CEP128: variants seen among roughly 807,000 people sequenced by gnomAD.
CEP128 encodes centrosomal protein 128kDa.
Under a neutral mutation model 156.7 loss-of-function variants are expected in CEP128, and 132 were observed. That is an observed-to-expected ratio of 0.84 (90% confidence interval 0.73 to 0.97). The LOEUF (loss-of-function observed/expected upper bound fraction) is 0.97. Ranked by LOEUF, CEP128 falls within the 50% of genes least tolerant of loss-of-function variation. The probability of loss-of-function intolerance (pLI) is 0.00; values close to 1 mark genes in which losing one functional copy is unlikely to be tolerated. For missense variants in CEP128, 1,252 were observed against 1,281.9 expected (o/e 0.98, Z 0.36); for synonymous variants, 469 against 448.9 (o/e 1.04, Z -0.57).
intron 13 of CEP128, chr14:80,830,392 G>A: frequency 2.5e-6 from 1 of 397,904 alleles, no homozygotes; most frequent in East Asian, 3.6e-5. Flanking sequence ...TTTAATTTTG[G>A]AAATACTTGA....
At chr14:80,941,026 C>CTTTTAT (rs1886123504) in intron 1 of CEP128, among the ~76,000 whole-genome samples, 1 of 152,180 alleles carries the variant, frequency 6.6e-6, no homozygotes, top group Non-Finnish European at 1.5e-5. Flanking sequence ...AAAGATGCAG[C>CTTTTAT]TGGGATTCAA....
intron 14 of CEP128, among the ~76,000 whole-genome samples, chr14:80,482,428 T>A (rs1198851609): frequency 6.6e-6 from 1 of 152,212 alleles, no homozygotes; most frequent in East Asian, 1.9e-4. Context: ...TATAATGTCA[T>A]CAGTAACATG....
At chr14:80,752,394 G>A (rs1020403462) in intron 18 of CEP128, among the ~76,000 whole-genome samples, 4 of 152,102 alleles carry the variant, frequency 2.6e-5, no homozygotes, top group African/African-American at 9.7e-5. Flanking sequence ...TTTTCACTAA[G>A]TTATAAATAT....
At chr14:80,957,480 C>T (rs1886759399) in intron 2 of CEP128, among the ~76,000 whole-genome samples, 2 of 149,084 alleles carry the variant, frequency 1.3e-5, no homozygotes, top group Admixed American at 1.3e-4. Flanking sequence ...AAAAAAAAAA[C>T]TTAAGTGAAT....
chr14:80,520,076 A>G (rs894133894), intron 23 of CEP128, among the ~76,000 whole-genome samples: 1 of 152,168 alleles, frequency 6.6e-6, no homozygotes, highest in African/African-American at 2.4e-5. Flanking sequence ...TAACTATGCA[A>G]ACTATGCAAA....
intron 13 of CEP128, among the ~76,000 whole-genome samples, chr14:80,811,695 GTGTGTGTGTT>G (rs1032079531): frequency 1.3e-5 from 2 of 149,032 alleles, no homozygotes; most frequent in African/African-American, 5.2e-5. Context: ...GTGTGTGTGT[GTGTGTGTGTT>G]TGAGAGTGTG....
rs139664569 is a variant in CEP128, at chr14:80,525,167, G to A, written c.3072+1702C>T. Reference sequence around the variant, plus strand: ...ACTAAGAGGCATGTACTATGTTTATGTATTTTTGGAGAACACTAATTTTTA... The same window carrying A: ...ACTAAGAGGCATGTACTATGTTTATATATTTTTGGAGAACACTAATTTTTA... On this transcript the variant is annotated intron_variant, in intron 23 of 24. Transcript: ENST00000555265. Among the ~76,000 whole-genome samples the A allele has an allele frequency of 8.7e-3, 1,332 of 152,276 alleles. 3 individuals carry two copies. Among genetic ancestry groups the A allele is most frequent in the Non-Finnish European group, 0.014 (937 of 68,014 alleles).
In CEP128 at chr14:80,761,555, T is replaced by C. The variant is rs775211405; in HGVS notation, c.2435A>G (p.Gln812Arg). ...CAAGCAAAGAAGTTGATCCTTGAGC[T>C]GCAATCTGGCCTCTTCCATCCTCCT... ...HLRRMEEARL[Q>R]LKDQLLCLET... The change falls in exon 17 of 25, where the codon CAG becomes CGG. Residue 812 changes from glutamine to arginine, a missense_variant. Physicochemically the swap from Gln to Arg is conservative, Grantham distance 43. Coordinates refer to ENST00000555265, the MANE Select transcript of CEP128 (RefSeq NM_152446.5). The C allele has an allele frequency of 2.5e-6, 4 of 1,612,900 alleles. No homozygotes were observed. The African/African-American group carries it at 4.0e-5, about 16-fold the overall frequency.
intron 19 of CEP128, among the ~76,000 whole-genome samples, chr14:80,732,042 C>A (rs1016872178): frequency 1.3e-5 from 2 of 152,062 alleles, no homozygotes; most frequent in Non-Finnish European, 2.9e-5. Flanking sequence ...GAAATCTGTG[C>A]CATCCATTTA....
In CEP128 at chr14:80,784,929, TTTTC is replaced by T; in HGVS notation, c.2173_2176del (p.Glu725ArgfsTer11). The T allele has an allele frequency of 6.2e-7, 1 of 1,613,444 alleles. No individual in the cohort carries two copies. Among genetic ancestry groups the T allele is most frequent in the Non-Finnish European group, 8.5e-7 (1 of 1,179,682 alleles). On this transcript the variant is annotated frameshift_variant, in exon 15 of 25. Transcript: ENST00000555265. LOFTEE classifies it high-confidence loss of function. ...CCTGATATGATTCTCAGCCTCACTC[TTTTC>T]TTTCTTAAAGTGCTTCATAAGCTCC...
intron 19 of CEP128, among the ~76,000 whole-genome samples, chr14:80,643,642 G>A (rs999785529): frequency 1.3e-5 from 2 of 151,960 alleles, no homozygotes; most frequent in East Asian, 1.9e-4. Context: ...CCTGGGAAGC[G>A]AAGGTTACAG....
chr14:80,810,511 G>T (rs1301548904), intron 13 of CEP128, among the ~76,000 whole-genome samples: 4 of 151,888 alleles, frequency 2.6e-5, no homozygotes, highest in Non-Finnish European at 5.9e-5. Flanking sequence ...CTTCCTACAA[G>T]AAATGAATGG....
intron 2 of CEP128, among the ~76,000 whole-genome samples, chr14:80,922,352 G>A (rs1884913142): frequency 6.6e-6 from 1 of 152,126 alleles, no homozygotes; most frequent in African/African-American, 2.4e-5. Context: ...TCATACTGAA[G>A]AGCATTCACT....
chr14:80,646,624 A>G (rs969258253), intron 19 of CEP128, among the ~76,000 whole-genome samples: 5 of 152,100 alleles, frequency 3.3e-5, no homozygotes, highest in African/African-American at 4.8e-5. Flanking sequence ...ATGAGATCAT[A>G]CTATACATTC....
At chr14:80,843,821 G>A (rs1016854619) in intron 9 of CEP128, among the ~76,000 whole-genome samples, 1 of 151,842 alleles carries the variant, frequency 6.6e-6, no homozygotes, top group Non-Finnish European at 1.5e-5. Context: ...CACTATCATG[G>A]AAACTTTAAT....
At chr14:80,534,232 T>C (rs1331214738) in intron 21 of CEP128, among the ~76,000 whole-genome samples, 10 of 152,196 alleles carry the variant, frequency 6.6e-5, no homozygotes, top group Non-Finnish European at 1.5e-4. Context: ...GCAACTTTTT[T>C]TTTTTTAATT....
Position 80,864,323 on chromosome 14 carries a change from A to G in CEP128, c.646-1450T>C, listed in dbSNP as rs142939713. On this transcript the variant is annotated intron_variant, in intron 8 of 24. Coordinates refer to ENST00000555265, the MANE Select transcript of CEP128 (RefSeq NM_152446.5). ...TCTGCCTTCAAATAGCTTGCTATCT[A>G]TTGAAGACTGACAATGAATGAGTAG... 6.0e-3 allele frequency among the ~76,000 whole-genome samples: 916 copies of G among 152,268 alleles called. 11 individuals carry two copies. The highest frequency in any genetic ancestry group is 0.021 in the African/African-American group (868 of 41,544).
chr14:80,903,043 T>C (rs891566580), intron 6 of CEP128, among the ~76,000 whole-genome samples: 2 of 151,990 alleles, frequency 1.3e-5, no homozygotes, highest in Non-Finnish European at 2.9e-5. Flanking sequence ...AAAGACCCCA[T>C]ATAGCCAAAA....
chr14:80,589,266 G>A (rs1183691516), intron 19 of CEP128, among the ~76,000 whole-genome samples: 1 of 152,016 alleles, frequency 6.6e-6, no homozygotes, highest in Non-Finnish European at 1.5e-5. Context: ...GACCTCCAGA[G>A]GTATGTTATT....
Sources: gnomAD v4.1 joint callset for allele counts (sites outside exome capture counted in the v4.1 genomes callset) on GRCh38, gnomAD v4.1.1 for gene constraint, MANE v1.5 for transcripts, NCBI Gene and HGNC (gene_info 2026-07-23, HGNC 2026-07-21) for gene names.